The following PTPRZ1 variants were observed in gnomAD, a reference collection of about 807,000 sequenced individuals.
PTPRZ1 encodes the protein receptor-type tyrosine-protein phosphatase zeta.
A neutral mutation model predicts 214.1 loss-of-function variants in PTPRZ1; 82 were observed. The ratio of observed to expected loss-of-function variants is 0.38; its 90% CI spans 0.32 to 0.46. PTPRZ1 has a LOEUF of 0.46. PTPRZ1 is among the 20% of genes least tolerant of loss of function. The pLI is 1.00. For synonymous variants in PTPRZ1, 945 were observed against 987.9 expected (o/e 0.96, Z 0.81); for missense variants, 2,603 against 2,748.7 (o/e 0.95, Z 1.19).
chr7:121,876,897 A>G (rs1794079345), intron 1 of PTPRZ1, among the ~76,000 whole-genome samples: 1 of 152,192 alleles, frequency 6.6e-6, no homozygotes, highest in African/African-American at 2.4e-5. Flanking sequence ...TTCTGGAAGC[A>G]TAAGCTGCGT....
intron 1 of PTPRZ1, among the ~76,000 whole-genome samples, chr7:121,894,545 A>G (rs1291357789): frequency 6.6e-6 from 1 of 152,074 alleles, no homozygotes; most frequent in East Asian, 1.9e-4. Context: ...AGCTGGGACT[A>G]CAGGCACGCA....
intron 12 of PTPRZ1, among the ~76,000 whole-genome samples, chr7:122,016,895 A>G (rs1010697848): frequency 1.3e-4 from 20 of 152,106 alleles, no homozygotes; most frequent in African/African-American, 4.8e-4. Flanking sequence ...ACATAGATCA[A>G]AATCAACTGG....
intron 1 of PTPRZ1, among the ~76,000 whole-genome samples, chr7:121,915,614 C>T (rs1040810492): frequency 5.9e-5 from 9 of 152,090 alleles, no homozygotes; most frequent in East Asian, 3.9e-4. Flanking sequence ...GTTTGTGATC[C>T]GCTTGAACAC....
At chr7:121,922,901 AT>A in intron 1 of PTPRZ1, among the ~76,000 whole-genome samples, 1 of 152,174 alleles carries the variant, frequency 6.6e-6, no homozygotes, top group South Asian at 2.1e-4. Flanking sequence ...CTTCTTTGAA[AT>A]TTTTCCTCAA....
intron 2 of PTPRZ1, among the ~76,000 whole-genome samples, chr7:121,932,816 A>G (rs2116390398): frequency 6.6e-6 from 1 of 152,302 alleles, no homozygotes; most frequent in African/African-American, 2.4e-5. Context: ...AGATGGGTGG[A>G]GAAAGGGAGG....
intron 2 of PTPRZ1, among the ~76,000 whole-genome samples, chr7:121,951,533 G>GT (rs1796541007): frequency 6.6e-6 from 1 of 152,194 alleles, no homozygotes; most frequent in African/African-American, 2.4e-5. Flanking sequence ...TTGCTGACCT[G>GT]TAAGTGCATT....
At chr7:122,057,330 T>C (rs923631095) in intron 27 of PTPRZ1, among the ~76,000 whole-genome samples, 7 of 151,990 alleles carry the variant, frequency 4.6e-5, no homozygotes, top group African/African-American at 1.4e-4. Context: ...TGCATTTCTC[T>C]TGTTGAAAAT....
intron 1 of PTPRZ1, among the ~76,000 whole-genome samples, chr7:121,916,723 A>G (rs1396510387): frequency 6.6e-6 from 1 of 152,138 alleles, no homozygotes; most frequent in Non-Finnish European, 1.5e-5. Context: ...TTTCAGGCAA[A>G]ATTTGGGAAA....
At chr7:122,028,512 A>T (rs539709583) in intron 13 of PTPRZ1, 40 bp from the exon 14 acceptor site, 1 of 1,407,056 alleles carries the variant, frequency 7.1e-7, no homozygotes, top group Non-Finnish European at 9.9e-7. Context: ...CTTATTTTCC[A>T]TAGCAACTAG....
chr7:121,932,719 A>C (rs894673987), intron 2 of PTPRZ1, among the ~76,000 whole-genome samples: 2 of 152,176 alleles, frequency 1.3e-5, no homozygotes, highest in Non-Finnish European at 2.9e-5. Context: ...ACATTATTTA[A>C]ATGCAATCAC....
intron 11 of PTPRZ1, among the ~76,000 whole-genome samples, chr7:122,007,113 C>T (rs1441833638): frequency 1.3e-5 from 2 of 151,962 alleles, no homozygotes; most frequent in Non-Finnish European, 2.9e-5. Flanking sequence ...GAATATACAA[C>T]ACACTGAGGA....
intron 14 of PTPRZ1, 72 bp from the exon 15 acceptor site, chr7:122,031,402 T>C: frequency 9.6e-7 from 1 of 1,046,492 alleles, no homozygotes; most frequent in Non-Finnish European, 1.5e-6. Context: ...TTTCAGAAGC[T>C]ACTTTATAAG....
intron 1 of PTPRZ1, among the ~76,000 whole-genome samples, chr7:121,885,835 T>C (rs1409546757): frequency 2.0e-5 from 3 of 152,170 alleles, no homozygotes; most frequent in African/African-American, 4.8e-5. Flanking sequence ...AAAACACTTA[T>C]AATTTTTACA....
chr7:122,000,965 T>A (rs1413350547), intron 10 of PTPRZ1, among the ~76,000 whole-genome samples: 1 of 151,936 alleles, frequency 6.6e-6, no homozygotes, highest in Admixed American at 6.6e-5. Flanking sequence ...ATCACAGGCG[T>A]GAGCCACCGC....
intron 1 of PTPRZ1, among the ~76,000 whole-genome samples, chr7:121,896,840 T>A (rs1203159530): frequency 6.6e-6 from 1 of 151,646 alleles, no homozygotes; most frequent in African/African-American, 2.4e-5. Flanking sequence ...GAAAAATAAA[T>A]ACTGTATGAT....
At chr7:121,967,037 G>C (rs1421897233) in intron 2 of PTPRZ1, 1 of 152,082 alleles carries the variant, frequency 6.6e-6, no homozygotes, top group Non-Finnish European at 1.5e-5. Flanking sequence ...TATTTCAAAT[G>C]TTTTAAAAGA....
intron 29 of PTPRZ1, among the ~76,000 whole-genome samples, chr7:122,060,856 T>C (rs927467043): frequency 1.3e-5 from 2 of 152,202 alleles, no homozygotes; most frequent in African/African-American, 4.8e-5. Flanking sequence ...CAAATGTATG[T>C]AGGTTAATTT....
At chr7:121,932,114 C>G (rs1223548189) in intron 2 of PTPRZ1, among the ~76,000 whole-genome samples, 2 of 152,058 alleles carry the variant, frequency 1.3e-5, no homozygotes, top group East Asian at 1.9e-4. Flanking sequence ...ATTTTACAAC[C>G]CTTCGTTTAG....
intron 18 of PTPRZ1, 53 bp downstream of exon 18, chr7:122,036,735 T>A: frequency 8.0e-7 from 1 of 1,248,954 alleles, no homozygotes; most frequent in African/African-American, 1.5e-5. Flanking sequence ...ACTGAATTAT[T>A]ATACCATAAT....
Sources: allele counts gnomAD v4.1 joint callset (sites outside exome capture counted in the v4.1 genomes callset), GRCh38; gene constraint gnomAD v4.1.1; transcripts MANE v1.5; gene names NCBI Gene and HGNC (gene_info 2026-07-23, HGNC 2026-07-21).